Variants in EGFLAM observed in about 807,000 individuals in gnomAD.
The protein encoded by EGFLAM is pikachurin.
Under a neutral mutation model 113.1 loss-of-function variants are expected in EGFLAM, and 79 were observed. The ratio of observed to expected loss-of-function variants is 0.70; its 90% CI spans 0.58 to 0.84. The LOEUF (loss-of-function observed/expected upper bound fraction) is 0.84, where lower values mean the gene tolerates loss of function less well. Among genes scored for constraint, EGFLAM ranks in the 40% least tolerant of loss-of-function variants. The probability of loss-of-function intolerance (pLI) is 0.00; values close to 1 mark genes in which losing one functional copy is unlikely to be tolerated. For missense variants in EGFLAM, 1,265 were observed against 1,291.6 expected (o/e 0.98, Z 0.32); for synonymous variants, 504 against 487.6 (o/e 1.03, Z -0.44).
At position 38,315,286 on chromosome 5, in the gene EGFLAM, C is replaced by T. The variant is rs186922632; in HGVS notation, c.98-22234C>T. ...CTCTATGGTTCCCCTCTTCTCTACT[C>T]CCTGTGACATGATTTGCTTGTGCCA... On this transcript the variant is annotated intron_variant, in intron 1 of 21. Coordinates refer to ENST00000322350, the MANE Select transcript of EGFLAM (RefSeq NM_152403.4). Among the ~76,000 whole-genome samples, 3 of 152,286 alleles carry T rather than the reference C, an allele frequency of 2.0e-5. No homozygotes were observed. The East Asian group carries it at 5.8e-4, about 29-fold the overall frequency.
At chr5:38,404,952 G>A (rs568226715) in intron 6 of EGFLAM, among the ~76,000 whole-genome samples, 1 of 152,156 alleles carries the variant, frequency 6.6e-6, no homozygotes, top group East Asian at 1.9e-4. Flanking sequence ...GAATAAAAAT[G>A]CCAACTGAAT....
chr5:38,259,032 G>A (rs1757431993), intron 1 of EGFLAM, among the ~76,000 whole-genome samples, 181 bp downstream of exon 1: 1 of 152,238 alleles, frequency 6.6e-6, no homozygotes. Flanking sequence ...AGCCCGGGCG[G>A]CGCTAGGGAT....
At chr5:38,339,221 G>C (rs576990082) in intron 3 of EGFLAM, among the ~76,000 whole-genome samples, 10 of 151,510 alleles carry the variant, frequency 6.6e-5, no homozygotes, top group Non-Finnish European at 1.2e-4. Context: ...GGTCCAAATT[G>C]TTTATTTTTT....
At chr5:38,282,408 A>G (rs1366326281) in intron 1 of EGFLAM, 1 of 152,228 alleles carries the variant, frequency 6.6e-6, no homozygotes, top group African/African-American at 2.4e-5. Flanking sequence ...ACTCTAGAAC[A>G]TGGTATAGAA....
At chr5:38,450,063 A>G (rs1742861922) in intron 18 of EGFLAM, among the ~76,000 whole-genome samples, 1 of 152,178 alleles carries the variant, frequency 6.6e-6, no homozygotes, top group South Asian at 2.1e-4. Flanking sequence ...TTTAAAAGAG[A>G]AGGAATTCTT....
intron 1 of EGFLAM, among the ~76,000 whole-genome samples, chr5:38,312,343 G>T (rs982774692): frequency 9.9e-5 from 15 of 151,524 alleles, no homozygotes; most frequent in Non-Finnish European, 5.9e-5. Context: ...CTAGGTTCAT[G>T]CCATTTTCCT....
At chr5:38,378,646 C>G (rs777857696) in intron 6 of EGFLAM, among the ~76,000 whole-genome samples, 3 of 152,168 alleles carry the variant, frequency 2.0e-5, no homozygotes, top group Non-Finnish European at 4.4e-5. Context: ...AAGTTCTTGC[C>G]AACCTTTACA....
chr5:38,450,316 C>G (rs887314118), intron 18 of EGFLAM, among the ~76,000 whole-genome samples: 2 of 152,186 alleles, frequency 1.3e-5, no homozygotes, highest in African/African-American at 4.8e-5. Flanking sequence ...GGGCCTCGCT[C>G]TTCCCTCACT....
chr5:38,400,303 C>T lies in EGFLAM; in HGVS notation c.713-5823C>T, dbSNP rs144193987. Among the ~76,000 whole-genome samples the T allele has an allele frequency of 1.4e-3, 215 of 152,160 alleles. 2 individuals are homozygous for T. Among genetic ancestry groups the T allele is most frequent in the Non-Finnish European group, 1.9e-3 (131 of 68,004 alleles). On this transcript the variant is annotated intron_variant, in intron 6 of 21. Transcript: ENST00000322350. ...AGGTTTTTTTATAAAATAAAAGTCA[C>T]CCTTTTATCTATTAACAAAAATTTG...
At chr5:38,391,410 G>C (rs62353642) in intron 6 of EGFLAM, among the ~76,000 whole-genome samples, 5 of 151,046 alleles carry the variant, frequency 3.3e-5, no homozygotes, top group Admixed American at 3.3e-4. Context: ...GTGTGTGTGT[G>C]TGTGTGTGAT....
At chr5:38,300,375 CTTTTT>C (rs34070893) in intron 1 of EGFLAM, among the ~76,000 whole-genome samples, 1 of 140,640 alleles carries the variant, frequency 7.1e-6, no homozygotes, top group African/African-American at 2.6e-5. Context: ...ATCTCTCTCT[CTTTTT>C]TTTTTTTTTT....
intron 6 of EGFLAM, among the ~76,000 whole-genome samples, chr5:38,386,339 G>A (rs994529235): frequency 2.0e-5 from 3 of 151,626 alleles, no homozygotes; most frequent in African/African-American, 7.3e-5. Context: ...GATTACAGGT[G>A]CACACCACCA....
intron 5 of EGFLAM, among the ~76,000 whole-genome samples, chr5:38,360,850 A>C (rs1739902050): frequency 6.7e-6 from 1 of 150,014 alleles, no homozygotes. Context: ...TTATTTATTT[A>C]TTTATTTATT....
intron 2 of EGFLAM, 77 bp from the exon 3 acceptor site, chr5:38,338,621 C>T: frequency 7.3e-7 from 1 of 1,366,194 alleles, no homozygotes; most frequent in South Asian, 1.2e-5. Flanking sequence ...CCTGCTGCCA[C>T]TGTGAGTGCA....
intron 1 of EGFLAM, among the ~76,000 whole-genome samples, chr5:38,273,877 TG>T (rs1757823700): frequency 6.6e-6 from 1 of 152,300 alleles, no homozygotes; most frequent in East Asian, 1.9e-4. Flanking sequence ...TGACTAGCCC[TG>T]AAGAGATGGA....
intron 3 of EGFLAM, chr5:38,345,971 A>G (rs576268059): frequency 6.6e-6 from 1 of 152,288 alleles, no homozygotes; most frequent in South Asian, 2.1e-4. Flanking sequence ...AGGTGAAATC[A>G]CTGAATTCAA....
chr5:38,312,368 A>C (rs1738473104), intron 1 of EGFLAM, among the ~76,000 whole-genome samples: 1 of 151,446 alleles, frequency 6.6e-6, no homozygotes, highest in African/African-American at 2.4e-5. Flanking sequence ...CAGCCTCCGG[A>C]GTAGCTGGGT....
intron 17 of EGFLAM, among the ~76,000 whole-genome samples, chr5:38,446,099 C>G (rs1415077293): frequency 6.6e-6 from 1 of 152,142 alleles, no homozygotes; most frequent in Non-Finnish European, 1.5e-5. Context: ...CCGTTTAGCT[C>G]CGGGAAGGCC....
intron 1 of EGFLAM, among the ~76,000 whole-genome samples, chr5:38,308,460 A>G (rs563360935): frequency 8.5e-5 from 13 of 152,296 alleles, no homozygotes. Flanking sequence ...AAGAACACCA[A>G]TTTTGGAACC....
Sources: allele counts gnomAD v4.1 joint callset (sites outside exome capture counted in the v4.1 genomes callset), GRCh38; gene constraint gnomAD v4.1.1; transcripts MANE v1.5; gene names NCBI Gene and HGNC (gene_info 2026-07-23, HGNC 2026-07-21).